The following PDE11A variants were observed in gnomAD, a reference collection of about 807,000 sequenced individuals.
PDE11A encodes dual 3',5'-cyclic-AMP and -GMP phosphodiesterase 11A.
Under a neutral mutation model 100.5 loss-of-function variants are expected in PDE11A, and 100 were observed. The observed-to-expected ratio is 1.00, with a 90% CI of 0.85 to 1.18. The LOEUF (loss-of-function observed/expected upper bound fraction) is 1.18, where lower values mean the gene tolerates loss of function less well. Ranked by LOEUF, PDE11A falls within the 50% of genes most tolerant of loss-of-function variation. The probability of loss-of-function intolerance (pLI) is 0.00; values close to 1 mark genes in which losing one functional copy is unlikely to be tolerated. For synonymous variants in PDE11A, 381 were observed against 420.8 expected (o/e 0.91, Z 1.16); for missense variants, 1,141 against 1,152.6 (o/e 0.99, Z 0.15).
At chr2:177,679,407 A>G (rs2080827426) in intron 16 of PDE11A, among the ~76,000 whole-genome samples, 1 of 152,204 alleles carries the variant, frequency 6.6e-6, no homozygotes, top group Non-Finnish European at 1.5e-5. Flanking sequence ...AATACACACT[A>G]AACAGTATTT....
chr2:177,945,850 C>G (rs1435026085), intron 2 of PDE11A, among the ~76,000 whole-genome samples: 450 of 115,772 alleles, frequency 3.9e-3, no homozygotes, highest in Admixed American at 6.3e-3. Context: ...CCCCGCCTGG[C>G]CAGCCGTGCC....
intron 16 of PDE11A, chr2:177,677,777 T>G (rs2080801639): frequency 6.6e-6 from 1 of 152,178 alleles, no homozygotes; most frequent in South Asian, 2.1e-4. Context: ...CTTCAAGAAG[T>G]GAAAGATCTT....
At chr2:178,092,179 A>G (rs1206386684) in intron 2 of PDE11A, among the ~76,000 whole-genome samples, 4 of 152,236 alleles carry the variant, frequency 2.6e-5, no homozygotes, top group African/African-American at 7.2e-5. Context: ...ATTACAGAGA[A>G]ATAAGTATGT....
chr2:177,907,412 A>G (rs935804960), intron 2 of PDE11A, among the ~76,000 whole-genome samples: 1 of 152,230 alleles, frequency 6.6e-6, no homozygotes, highest in South Asian at 2.1e-4. Flanking sequence ...AGTAATTGCC[A>G]TTGGCTAAGC....
intron 12 of PDE11A, 35 bp from the exon 13 acceptor site, chr2:177,711,913 T>A (rs1347280879): frequency 5.5e-6 from 6 of 1,093,214 alleles, no homozygotes; most frequent in Non-Finnish European, 8.5e-6. Flanking sequence ...CAGTCACTAC[T>A]GGGGTACGGA....
intron 2 of PDE11A, among the ~76,000 whole-genome samples, chr2:177,935,032 T>A (rs762614291): frequency 2.0e-5 from 3 of 152,146 alleles, no homozygotes; most frequent in Non-Finnish European, 4.4e-5. Flanking sequence ...CAGGATCATC[T>A]GTACCCCAAA....
At chr2:177,960,538 T>C (rs2085618786) in intron 2 of PDE11A, among the ~76,000 whole-genome samples, 1 of 152,000 alleles carries the variant, frequency 6.6e-6, no homozygotes, top group African/African-American at 2.4e-5. Context: ...GGAGAACTAC[T>C]CCCAGGTTGC....
intron 9 of PDE11A, among the ~76,000 whole-genome samples, chr2:177,771,098 G>C (rs2082305578): frequency 2.6e-5 from 4 of 152,084 alleles, no homozygotes; most frequent in Admixed American, 2.6e-4. Flanking sequence ...CAAAGTGCTG[G>C]GATTATAGGC....
rs541750104 is a variant in PDE11A, at chr2:177,877,587, G to A, written c.1303-1664C>T. ...CTCAGTCTTCCTTTCTGTGATATGC[G>A]AATAATATTCTCTGGTTAATAAAAT... On this transcript the variant is annotated intron_variant, in intron 4 of 19. Coordinates refer to ENST00000286063, the MANE Select transcript of PDE11A (RefSeq NM_016953.4). Among the ~76,000 whole-genome samples the A allele has an allele frequency of 3.9e-5, 6 of 152,258 alleles. No homozygotes were observed. The South Asian group carries it at 8.3e-4, about 21-fold the overall frequency.
At chr2:178,057,547 A>C (rs2086913221) in intron 1 of PDE11A, among the ~76,000 whole-genome samples, 1 of 152,194 alleles carries the variant, frequency 6.6e-6, no homozygotes, top group African/African-American at 2.4e-5. Context: ...AAAAGATATC[A>C]CCACGGTGAT....
chr2:177,920,949 C>T (rs927556467), intron 2 of PDE11A, among the ~76,000 whole-genome samples: 1 of 151,278 alleles, frequency 6.6e-6, no homozygotes, highest in African/African-American at 2.4e-5. Flanking sequence ...GTAGTCCCAG[C>T]TACTTGGGAG....
At chr2:177,896,004 G>T (rs1208554501) in intron 4 of PDE11A, among the ~76,000 whole-genome samples, 1 of 152,100 alleles carries the variant, frequency 6.6e-6, no homozygotes, top group Non-Finnish European at 1.5e-5. Context: ...TATGGAGTTT[G>T]GTTTTTCCAT....
chr2:177,945,353 G>A (rs1229284274), intron 2 of PDE11A, among the ~76,000 whole-genome samples: 2 of 145,570 alleles, frequency 1.4e-5, no homozygotes, highest in African/African-American at 2.5e-5. Flanking sequence ...CCGCCCGGCC[G>A]CCATCCCATC....
chr2:177,751,778 C>G (rs2082029618), intron 10 of PDE11A, among the ~76,000 whole-genome samples: 1 of 152,168 alleles, frequency 6.6e-6, no homozygotes. Context: ...TGAGATTCAT[C>G]TTATTTAAGA....
intron 1 of PDE11A, among the ~76,000 whole-genome samples, chr2:178,028,753 T>C (rs899713776): frequency 6.6e-6 from 1 of 152,232 alleles, no homozygotes; most frequent in African/African-American, 2.4e-5. Flanking sequence ...TTTTCAGGTT[T>C]GGGTTTTGCT....
intron 2 of PDE11A, chr2:177,997,822 T>C: frequency 7.6e-7 from 1 of 1,319,884 alleles, no homozygotes; most frequent in Non-Finnish European, 1.1e-6. Flanking sequence ...GAGGGGCATG[T>C]ATTCCAATAA....
intron 2 of PDE11A, among the ~76,000 whole-genome samples, chr2:178,083,709 T>C (rs1464941325): frequency 6.6e-6 from 1 of 152,176 alleles, no homozygotes; most frequent in East Asian, 1.9e-4. Flanking sequence ...CAAAATAAGT[T>C]TCCTAATAAC....
chr2:177,929,130 C>CCTTGCAGAGTTCTCT (rs2085172014), intron 2 of PDE11A, among the ~76,000 whole-genome samples: 1 of 152,102 alleles, frequency 6.6e-6, no homozygotes, highest in African/African-American at 2.4e-5. Context: ...GTGCTCCCAG[C>CCTTGCAGAGTTCTCT]CTGGGTTCTC....
intron 5 of PDE11A, among the ~76,000 whole-genome samples, chr2:177,874,041 T>G (rs1220226904): frequency 1.3e-5 from 2 of 152,176 alleles, no homozygotes; most frequent in Non-Finnish European, 2.9e-5. Context: ...AGCCTGATTC[T>G]GATTGACCCA....
Sources: gnomAD v4.1 joint callset for allele counts (sites outside exome capture counted in the v4.1 genomes callset) on GRCh38, gnomAD v4.1.1 for gene constraint, MANE v1.5 for transcripts, NCBI Gene and HGNC (gene_info 2026-07-23, HGNC 2026-07-21) for gene names.